Variants in AMPD2 observed in about 807,000 individuals in gnomAD.
AMPD2 encodes adenosine monophosphate deaminase 2, also known as AMP deaminase 2.
A neutral mutation model predicts 91.3 loss-of-function variants in AMPD2; 52 were observed. The ratio of observed to expected loss-of-function variants is 0.57; its 90% CI spans 0.46 to 0.72. The LOEUF (loss-of-function observed/expected upper bound fraction) is 0.72, where lower values mean the gene tolerates loss of function less well. Among genes scored for constraint, AMPD2 ranks in the 30% least tolerant of loss-of-function variants. The probability of loss-of-function intolerance (pLI) is 0.00; values close to 1 mark genes in which losing one functional copy is unlikely to be tolerated. For missense variants in AMPD2, 822 were observed against 1,122.3 expected, an observed-to-expected ratio of 0.73 and a Z score of 3.82; for synonymous variants, 455 against 456.4, an observed-to-expected ratio of 1.00 and a Z score of 0.04.
chr1:109,626,547 G>T (rs528348812), intron 6 of AMPD2, 120 bp downstream of exon 6: 2 of 1,300,254 alleles, frequency 1.5e-6, no homozygotes, highest in African/African-American at 1.5e-5. Flanking sequence ...AGCTGGAGGG[G>T]CGGAGGGGCA....
chr1:109,630,626 G>C (rs1651150672), intron 17 of AMPD2, 57 bp from the exon 18 acceptor site: 17 of 1,481,224 alleles, frequency 1.1e-5, no homozygotes, highest in Non-Finnish European at 1.6e-5. Context: ...GGCTGGGGAA[G>C]GGAGGCAGGG....
chr1:109,622,437 C>T, intron 2 of AMPD2: 3 of 373,838 alleles, frequency 8.0e-6, no homozygotes, highest in East Asian at 7.3e-5. Flanking sequence ...GTGAGGGGCT[C>T]CTGGTCGAGA....
At position 109,626,894 on chromosome 1, in the gene AMPD2, G is replaced by T. The variant is rs554958089; in HGVS notation, c.700G>T (p.Asp234Tyr). The T allele has an allele frequency of 1.2e-6, 2 of 1,613,158 alleles. No homozygotes were observed. The highest frequency in any genetic ancestry group is 4.5e-5 in the East Asian group (2 of 44,874). Residue 234 changes from aspartate to tyrosine, a missense_variant, in exon 7 of 19, where the codon GAC becomes TAC. Physicochemically the swap from Asp to Tyr is radical, Grantham distance 160 (BLOSUM62 -3). Coordinates refer to ENST00000528667, the MANE Select transcript of AMPD2 (RefSeq NM_001368809.2). ...LETRTYEQGP[D>Y]TPVSADAPVH... is the part of the protein sequence containing the mutation. ...GACCCGGACCTATGAACAGGGCCCC[G>T]ACACCCCTGTGTCTGCTGGTGGGAC...
chr1:109,625,060 T>G lies in AMPD2; in HGVS notation c.92-243T>G, dbSNP rs973499611. ...CATTTGTGGAGGTAATGAATCTACT[T>G]GTTCTAGGGGCAGACTCAGAATCCC... On this transcript the variant is annotated intron_variant, in intron 2 of 18. Coordinates refer to ENST00000528667, the MANE Select transcript of AMPD2 (RefSeq NM_001368809.2). The surrounding 1 kb of genome is among the most constrained non-coding windows in gnomAD (Gnocchi z 4.0). Among the ~76,000 whole-genome samples, 1 of 152,076 alleles carries G rather than the reference T, an allele frequency of 6.6e-6. No individual in the cohort carries two copies. Among genetic ancestry groups the G allele is most frequent in the Admixed American group, 6.5e-5 (1 of 15,286 alleles).
In AMPD2 at chr1:109,624,747, G is replaced by A. The variant is rs903221446; in HGVS notation, c.92-556G>A. 6.6e-6 allele frequency among the ~76,000 whole-genome samples: 1 copy of A among 152,178 alleles called. No individual in the cohort carries two copies. Among genetic ancestry groups the A allele is most frequent in the African/African-American group, 2.4e-5 (1 of 41,444 alleles). On this transcript the variant is annotated intron_variant, in intron 2 of 18. Transcript: ENST00000528667. This position sits in a 1 kb window ranked among gnomAD's most constrained non-coding sequence, Gnocchi z 5.2. ...TAGGTCAGAGCTGAGCAGCAGCTGC[G>A]GCTTCTCTTGTGCTGCACAGGTCTA...
intron 2 of AMPD2, among the ~76,000 whole-genome samples, chr1:109,622,578 T>C (rs955719061): frequency 2.0e-5 from 3 of 152,106 alleles, no homozygotes; most frequent in Non-Finnish European, 4.4e-5. Flanking sequence ...AAAGGACCAG[T>C]AGGCAGCTGA....
intron 16 of AMPD2, 90 bp from the exon 17 acceptor site, chr1:109,630,143 C>A: frequency 1.4e-6 from 2 of 1,449,486 alleles, no homozygotes; most frequent in Non-Finnish European, 9.6e-7. Context: ...CTCCCCCTGC[C>A]CTCTGCTGTG....
At position 109,629,942 on chromosome 1, in the gene AMPD2, C is replaced by T. The variant is rs191339082; in HGVS notation, c.1983+26C>T. ...GTCAGGATCTGCACCCCTAGCCTTC[C>T]CTCCCAATTGTTCACCTTCCTCTGA... On this transcript the variant is annotated intron_variant, in intron 16 of 18. Transcript: ENST00000528667. 136 of 1,576,004 alleles carry T rather than the reference C, an allele frequency of 8.6e-5. 1 individual carries two copies. In the East Asian group the frequency reaches 2.6e-3, roughly 31 times the overall value.
In AMPD2 at chr1:109,628,737, C is replaced by T. The variant is rs746558863; in HGVS notation, c.1502C>T (p.Ala501Val). The T allele has an allele frequency of 5.6e-6, 9 of 1,604,944 alleles. No homozygotes were observed. The highest frequency in any genetic ancestry group is 2.2e-5 in the South Asian group (2 of 89,980). Reference sequence around the variant, plus strand: ...TCGAGGGATGAGTGGGACAAGCTGGCGCGCTGGGCCGTCATGCACCGCGTG... The same window carrying T: ...TCGAGGGATGAGTGGGACAAGCTGGTGCGCTGGGCCGTCATGCACCGCGTG... ...GRSRDEWDKL[A>V]RWAVMHRVHS... Residue 501 changes from alanine to valine, a missense_variant, in exon 13 of 19, where the codon GCG becomes GTG. Transcript: ENST00000528667. This position sits in a 1 kb window ranked among gnomAD's most constrained non-coding sequence, Gnocchi z 7.1.
Position 109,619,857 on chromosome 1 carries a change from C to A in AMPD2, c.-684C>A. 5.0e-6 allele frequency: 1 copy of A among 200,856 alleles called. No homozygotes were observed. The allele number at this position is 200,856 out of a possible 1,614,324, so 12.4% of individuals were successfully genotyped here. A position where few individuals can be genotyped will look rare whatever the true frequency, so the allele number is the denominator to read the frequency against. The stretch of plus-strand genomic sequence containing the variant: ...GGGCCAAGGGCCGCAGAGCCTGGCG[C>A]GGAGCCGGCGAGATTTTGGTGGGGT... On this transcript the variant is annotated 5_prime_UTR_variant, in exon 1 of 19. Coordinates refer to ENST00000528667, the MANE Select transcript of AMPD2 (RefSeq NM_001368809.2).
Position 109,625,320 on chromosome 1 carries a change from G to A in AMPD2, c.109G>A (p.Gly37Arg). Residue 37 changes from glycine to arginine, a missense_variant, in exon 3 of 19, where the codon GGG becomes AGG. Physicochemically the swap from Gly to Arg is moderately radical, Grantham distance 125. This residue lies in a region of AMPD2 where 105 missense variants were observed against 125.0 expected (regional missense o/e 0.84). Transcript: ENST00000528667. The surrounding 1 kb of genome is among the most constrained non-coding windows in gnomAD (Gnocchi z 4.0). Reference protein sequence around the residue: ...TAAPEARGGLGAPPLQSARSL... With the variant: ...TAAPEARGGLRAPPLQSARSL... ...CTCTGCAGAGGCTCGGGGTGGTCTGGGGGCCCCTCCGCTGCAGTCTGCCCG... is the reference window on the plus strand; with the variant it reads ...CTCTGCAGAGGCTCGGGGTGGTCTGAGGGCCCCTCCGCTGCAGTCTGCCCG... 1 of 1,613,110 alleles carries A rather than the reference G, an allele frequency of 6.2e-7. No individual in the cohort carries two copies. The highest frequency in any genetic ancestry group is 8.5e-7 in the Non-Finnish European group (1 of 1,179,778).
At chr1:109,621,882 G>C (rs1372728996) in intron 2 of AMPD2, among the ~76,000 whole-genome samples, 1 of 152,226 alleles carries the variant, frequency 6.6e-6, no homozygotes, top group Non-Finnish European at 1.5e-5. Flanking sequence ...GGTTCAGGCT[G>C]GGGCTGCTGC....
Position 109,627,476 on chromosome 1 carries a change from C to T in AMPD2, c.908C>T (p.Ala303Val). The T allele has an allele frequency of 6.2e-7, 1 of 1,614,072 alleles. No individual in the cohort carries two copies. The highest frequency in any genetic ancestry group is 1.1e-5 in the South Asian group (1 of 91,086). The change falls in exon 9 of 19, where the codon GCT becomes GTT. Residue 303 changes from alanine to valine, a missense_variant. Ala to Val is a moderately conservative substitution (Grantham distance 64). Transcript: ENST00000528667. ...LPYPDLQEFV[A>V]DVNVLMALII... ...TACCCTGACCTGCAGGAATTTGTGGCTGACGTCAATGTGCTGATGGCCCTG... is the reference window on the plus strand; with the variant it reads ...TACCCTGACCTGCAGGAATTTGTGGTTGACGTCAATGTGCTGATGGCCCTG...
At position 109,628,489 on chromosome 1, in the gene AMPD2, C is replaced by T. The variant is rs2101166205; in HGVS notation, c.1401C>T (p.Ile467=). The T allele has an allele frequency of 1.2e-6, 2 of 1,612,396 alleles. No individual in the cohort carries two copies. The highest frequency in any genetic ancestry group is 1.7e-6 in the Non-Finnish European group (2 of 1,180,008). Residue 467 remains isoleucine, a synonymous_variant, in exon 12 of 19, where the codon ATC becomes ATT. Transcript: ENST00000528667. This position sits in a 1 kb window ranked among gnomAD's most constrained non-coding sequence, Gnocchi z 7.1. ...NRVSGKYFAH[I]IKEVMSDLEE... is the part of the protein sequence containing the mutation. Reference sequence around the variant, plus strand: ...TATCTGGGAAGTACTTTGCTCACATCATCAAGGTAAGGAGGCAGCCTTCCC... The same window carrying T: ...TATCTGGGAAGTACTTTGCTCACATTATCAAGGTAAGGAGGCAGCCTTCCC...
intron 16 of AMPD2, 59 bp downstream of exon 16, chr1:109,629,975 G>A (rs972358867): frequency 1.5e-5 from 23 of 1,547,066 alleles, no homozygotes; most frequent in Non-Finnish European, 1.9e-5. Context: ...TGAACCATTC[G>A]GGCCCCTTCA....
At position 109,628,774 on chromosome 1, in the gene AMPD2, C is replaced by T. The variant is rs1260680233; in HGVS notation, c.1539C>T (p.Asn513=). The change falls in exon 13 of 19, where the codon AAC becomes AAT. Residue 513 remains asparagine, a synonymous_variant. Coordinates refer to ENST00000528667, the MANE Select transcript of AMPD2 (RefSeq NM_001368809.2). This position sits in a 1 kb window ranked among gnomAD's most constrained non-coding sequence, Gnocchi z 7.1. The part of the protein sequence containing the change: ...WAVMHRVHSP[N]VRWLVQVPRL... ...TCATGCACCGCGTGCACTCCCCCAA[C>T]GTGCGCTGGCTGGTGCAGGTGCCCC... 2.9e-5 allele frequency: 46 copies of T among 1,576,582 alleles called. No homozygotes were observed. Among genetic ancestry groups the T allele is most frequent in the Non-Finnish European group, 3.6e-5 (42 of 1,160,522 alleles).
At chr1:109,626,575 C>A (rs149590440) in intron 6 of AMPD2, 148 bp downstream of exon 6, 3 of 1,310,666 alleles carry the variant, frequency 2.3e-6, no homozygotes, top group Non-Finnish European at 3.2e-6. Flanking sequence ...TGCCTAGGAG[C>A]CACTTGATGT....
Position 109,626,860 on chromosome 1 carries a change from G to C in AMPD2, c.666G>C (p.Lys222Asn), listed in dbSNP as rs749992166. 1.9e-6 allele frequency: 3 copies of C among 1,613,918 alleles called. No homozygotes were observed. The South Asian group carries it at 3.3e-5, about 18-fold the overall frequency. Reference protein sequence around the residue: ...TRRYLQQLAEKPLETRTYEQG... With the variant: ...TRRYLQQLAENPLETRTYEQG... ...GCTACCTGCAGCAGCTGGCTGAAAA[G>C]CCTCTGGAGACCCGGACCTATGAAC... is the stretch of plus-strand genomic sequence containing the variant. The change falls in exon 7 of 19, where the codon AAG becomes AAC. Residue 222 changes from lysine (K) to asparagine (N), a missense_variant. By Grantham distance (94) the Lys-to-Asn change is moderately conservative (BLOSUM62 0). Coordinates refer to ENST00000528667, the MANE Select transcript of AMPD2 (RefSeq NM_001368809.2).
At position 109,628,238 on chromosome 1, in the gene AMPD2, G is replaced by T; in HGVS notation, c.1236G>T (p.Thr412=). The T allele has an allele frequency of 6.2e-7, 1 of 1,613,996 alleles. No homozygotes were observed. The highest frequency in any genetic ancestry group is 8.5e-7 in the Non-Finnish European group (1 of 1,179,994). ...AGGTCTTTGAGAGCATGAATCTCAC[G>T]GCCTACGACCTGAGTGTGGACACGC... ...LREVFESMNL[T]AYDLSVDTLD... Residue 412 remains threonine, a synonymous_variant, in exon 11 of 19, where the codon ACG becomes ACT. Coordinates refer to ENST00000528667, the MANE Select transcript of AMPD2 (RefSeq NM_001368809.2). The surrounding 1 kb of genome is among the most constrained non-coding windows in gnomAD (Gnocchi z 7.1).
Sources: allele counts gnomAD v4.1 joint callset (sites outside exome capture counted in the v4.1 genomes callset), GRCh38; gene constraint gnomAD v4.1.1; regional missense constraint gnomAD v4.1.1; non-coding constraint Gnocchi (gnomAD v3.1); transcripts MANE v1.5; gene names NCBI Gene and HGNC (gene_info 2026-07-23, HGNC 2026-07-21).